DIAPH2: variants seen among roughly 807,000 people sequenced by gnomAD.
The protein encoded by DIAPH2 is diaphanous related formin 2, also known as protein diaphanous homolog 2.
In DIAPH2, 35 loss-of-function variants were observed where a neutral mutation model predicts 92.7. That is an observed-to-expected ratio of 0.38 (90% CI 0.29 to 0.50). DIAPH2 has a LOEUF of 0.50. DIAPH2 is among the 20% of genes least tolerant of loss of function. The pLI is 0.94. For synonymous variants in DIAPH2, 301 were observed against 280.4 expected (o/e 1.07, Z -0.73); for missense variants, 701 against 819.5 (o/e 0.86, Z 1.77).
chrX:97,393,704 T>C (rs2069680318), intron 25 of DIAPH2, among the ~76,000 whole-genome samples: 1 of 111,988 alleles, frequency 8.9e-6, no homozygotes, highest in Non-Finnish European at 1.9e-5. Flanking sequence ...TGTAAATAAA[T>C]CTCTTTCTTT....
At chrX:97,201,787 C>G (rs1229062969) in intron 22 of DIAPH2, among the ~76,000 whole-genome samples, 1 of 110,793 alleles carries the variant, frequency 9.0e-6, no homozygotes, top group African/African-American at 3.3e-5. Flanking sequence ...GCAAGACAGG[C>G]CAACATTCAA....
chrX:96,744,555 G>A (rs866313716), intron 3 of DIAPH2, among the ~76,000 whole-genome samples: 1 of 112,142 alleles, frequency 8.9e-6, no homozygotes. Context: ...GTACATTAGA[G>A]TGGTAGGTAA....
chrX:97,092,418 G>C (rs1390133694), intron 19 of DIAPH2, among the ~76,000 whole-genome samples: 1 of 112,063 alleles, frequency 8.9e-6, no homozygotes, highest in Non-Finnish European at 1.9e-5. Context: ...ACCATGTTCA[G>C]GTTAGTGTAT....
intron 4 of DIAPH2, among the ~76,000 whole-genome samples, chrX:96,830,067 AAC>A (rs1334786949): frequency 9.0e-6 from 1 of 111,033 alleles, no homozygotes; most frequent in Non-Finnish European, 1.9e-5. Flanking sequence ...TCTTGTTTAT[AAC>A]AGAGTCAAAT....
intron 22 of DIAPH2, among the ~76,000 whole-genome samples, chrX:97,240,633 G>C (rs375552310): frequency 9.4e-6 from 1 of 106,913 alleles, no homozygotes. Flanking sequence ...CCAATATTAC[G>C]TTAAATTAGG....
intron 26 of DIAPH2, among the ~76,000 whole-genome samples, chrX:97,514,876 T>C (rs1478564113): frequency 9.0e-6 from 1 of 111,639 alleles, no homozygotes; most frequent in Non-Finnish European, 1.9e-5. Flanking sequence ...TTCTCAGATC[T>C]CCAGCTGCAT....
intron 26 of DIAPH2, among the ~76,000 whole-genome samples, chrX:97,586,675 T>G (rs1443868280): frequency 8.9e-6 from 1 of 112,127 alleles, no homozygotes; most frequent in Non-Finnish European, 1.9e-5. Flanking sequence ...TCTTCCAGGA[T>G]AATTCATCCA....
At chrX:96,809,261 A>G (rs1602525649) in intron 4 of DIAPH2, among the ~76,000 whole-genome samples, 1 of 108,706 alleles carries the variant, frequency 9.2e-6, no homozygotes, top group Non-Finnish European at 1.9e-5. Context: ...TAATCTCCCT[A>G]TTTCAAAGTA....
rs374934746 is a variant in DIAPH2, at chrX:97,141,776, G to A, written c.2701G>A (p.Val901Ile). ...AAAATTTCCTGAAGAACTGGAACAC[G>A]TAGAAAGTGCAAGCAAAGGTAATTG... ...ILKFPEELEH[V>I]ESASKVSAQI... Residue 901 changes from valine to isoleucine, a missense_variant, in exon 22 of 27, where the codon GTA becomes ATA. Coordinates refer to ENST00000324765, the MANE Select transcript of DIAPH2 (RefSeq NM_006729.5). The A allele has an allele frequency of 1.0e-4, 125 of 1,202,667 alleles. No individual in the cohort carries two copies. Among genetic ancestry groups the A allele is most frequent in the Non-Finnish European group, 1.3e-4 (117 of 892,477 alleles).
At chrX:96,776,081 C>T (rs1327366948) in intron 4 of DIAPH2, among the ~76,000 whole-genome samples, 1 of 111,796 alleles carries the variant, frequency 8.9e-6, no homozygotes, top group African/African-American at 3.2e-5. Context: ...CTACAGACTA[C>T]ATGTAAAGTT....
chrX:97,382,944 T>G (rs1047450700), intron 24 of DIAPH2, among the ~76,000 whole-genome samples: 1 of 112,178 alleles, frequency 8.9e-6, no homozygotes, highest in South Asian at 3.7e-4. Flanking sequence ...AGCTTGTACA[T>G]GCTATGAAGT....
At chrX:97,245,472 T>A (rs2147547656) in intron 22 of DIAPH2, among the ~76,000 whole-genome samples, 1 of 110,992 alleles carries the variant, frequency 9.0e-6, no homozygotes, top group South Asian at 3.9e-4. Flanking sequence ...GAGGTCTAGC[T>A]ATGTTGCTTA....
intron 5 of DIAPH2, among the ~76,000 whole-genome samples, chrX:96,899,955 C>G (rs1229975481): frequency 1.9e-4 from 19 of 100,253 alleles, no homozygotes. Context: ...TGAATTTTGT[C>G]AAAGGCCTTT....
At chrX:97,535,207 ATTTG>A (rs1204007908) in intron 26 of DIAPH2, among the ~76,000 whole-genome samples, 2 of 112,343 alleles carry the variant, frequency 1.8e-5, no homozygotes, top group East Asian at 2.8e-4. Context: ...ATGTTGGTTT[ATTTG>A]TTTGACAAAT....
chrX:97,417,250 C>G (rs1328449446), intron 25 of DIAPH2, among the ~76,000 whole-genome samples: 1 of 110,282 alleles, frequency 9.1e-6, no homozygotes. Context: ...TTTAAAAAAG[C>G]AAAAATATAT....
intron 17 of DIAPH2, among the ~76,000 whole-genome samples, chrX:97,036,935 A>G (rs2066414975): frequency 9.0e-6 from 1 of 111,484 alleles, no homozygotes; most frequent in South Asian, 3.7e-4. Flanking sequence ...GTGCTGGATG[A>G]GTTTACCTAA....
intron 23 of DIAPH2, among the ~76,000 whole-genome samples, chrX:97,293,243 CTTTTTTTT>C (rs1184478622): frequency 1.6e-5 from 1 of 63,216 alleles, no homozygotes; most frequent in Non-Finnish European, 3.0e-5. Flanking sequence ...ATATTTCTTT[CTTTTTTTT>C]TTTTTTTTTT....
rs139690627 is a variant in DIAPH2 at position 97,099,783 on chromosome X, A to G, written c.2337A>G (p.Gln779=). 1.0e-5 allele frequency: 12 copies of G among 1,162,549 alleles called. No homozygotes were observed. In the African/African-American group the frequency reaches 1.8e-4, roughly 18 times the overall value. Residue 779 remains glutamine (Q), a synonymous_variant, in exon 20 of 27, where the codon CAA becomes CAG. Coordinates refer to ENST00000324765, the MANE Select transcript of DIAPH2 (RefSeq NM_006729.5). ...ATGATGACCTCTGTGAGCCTGAACA[A>G]TTTGGAGTTGTGGTATGTATCCAAC... is the stretch of plus-strand genomic sequence containing the variant. ...NEYDDLCEPE[Q]FGVVMSSVKM...
At chrX:96,962,218 T>C (rs1017146913) in intron 16 of DIAPH2, among the ~76,000 whole-genome samples, 6 of 97,728 alleles carry the variant, frequency 6.1e-5, no homozygotes, top group Non-Finnish European at 1.2e-4. Flanking sequence ...TGGGTACATA[T>C]ATATTTTGAC....
Sources: gnomAD v4.1 joint callset for allele counts (sites outside exome capture counted in the v4.1 genomes callset) on GRCh38, gnomAD v4.1.1 for gene constraint, MANE v1.5 for transcripts, NCBI Gene and HGNC (gene_info 2026-07-23, HGNC 2026-07-21) for gene names.